The following PBX3 variants were observed in gnomAD, a reference collection of about 807,000 sequenced individuals.
PBX3 encodes the protein PBX homeobox 3, also known as pre-B-cell leukemia transcription factor 3.
PBX3 carries 14 observed loss-of-function variants against 48.5 expected under a neutral mutation model. That is an observed-to-expected ratio of 0.29 (90% confidence interval 0.19 to 0.45). The LOEUF (loss-of-function observed/expected upper bound fraction) is 0.45, where lower values mean the gene tolerates loss of function less well. Among genes scored for constraint, PBX3 ranks in the 20% least tolerant of loss-of-function variants. PBX3 has a pLI of 1.00. For missense variants in PBX3, 386 were observed against 546.7 expected (o/e 0.71, Z 2.93); for synonymous variants, 210 against 200.3 (o/e 1.05, Z -0.41).
At chr9:125,816,968 A>AT (rs1838484436) in intron 2 of PBX3, among the ~76,000 whole-genome samples, 1 of 152,090 alleles carries the variant, frequency 6.6e-6, no homozygotes, top group African/African-American at 2.4e-5. Flanking sequence ...ATATGGTTTC[A>AT]TTTTTTTCTG....
At chr9:125,883,600 CT>C (rs57927097) in intron 2 of PBX3, among the ~76,000 whole-genome samples, 5,998 of 144,664 alleles carry the variant, frequency 0.041, 409 homozygotes, top group African/African-American at 0.14. Flanking sequence ...AATCTCTTGA[CT>C]TTTTTTTTTT....
intron 2 of PBX3, among the ~76,000 whole-genome samples, chr9:125,892,114 G>A (rs1031343520): frequency 2.0e-5 from 3 of 151,774 alleles, no homozygotes; most frequent in Non-Finnish European, 2.9e-5. Flanking sequence ...GTAGAGATGA[G>A]GTTTCACTAT....
chr9:125,818,345 A>G (rs868396010), intron 2 of PBX3, among the ~76,000 whole-genome samples: 26 of 148,714 alleles, frequency 1.7e-4, no homozygotes, highest in African/African-American at 5.9e-4. Flanking sequence ...TTTTTTTTTA[A>G]TTTGAGACGG....
intron 2 of PBX3, among the ~76,000 whole-genome samples, chr9:125,899,595 T>G (rs553568766): frequency 1.3e-5 from 2 of 150,776 alleles, no homozygotes; most frequent in Admixed American, 6.7e-5. Context: ...TCTTACAGCA[T>G]TTTGGTCAGC....
At chr9:125,766,973 C>T (rs73667055) in intron 2 of PBX3, among the ~76,000 whole-genome samples, 3,365 of 152,100 alleles carry the variant, frequency 0.022, 144 homozygotes, top group African/African-American at 0.076. Context: ...GTTTTTTGTT[C>T]TTTTAGACTT....
chr9:125,747,959 A>G (rs1836245460), intron 1 of PBX3, among the ~76,000 whole-genome samples: 1 of 149,546 alleles, frequency 6.7e-6, no homozygotes, highest in Non-Finnish European at 1.5e-5. Flanking sequence ...TCCCGCCCCG[A>G]CCCCGTGCGG....
intron 3 of PBX3, among the ~76,000 whole-genome samples, chr9:125,918,678 T>G (rs1312788247): frequency 1.3e-5 from 2 of 152,192 alleles, no homozygotes; most frequent in African/African-American, 4.8e-5. Context: ...CAGCAGAATT[T>G]TAATTTACAC....
chr9:125,871,018 C>A (rs1466196263), intron 2 of PBX3, among the ~76,000 whole-genome samples: 1 of 152,082 alleles, frequency 6.6e-6, no homozygotes, highest in African/African-American at 2.4e-5. Context: ...AATTCCACTT[C>A]TAGATATAAA....
intron 2 of PBX3, among the ~76,000 whole-genome samples, chr9:125,779,570 T>C (rs1322391917): frequency 2.2e-5 from 2 of 90,898 alleles, no homozygotes; most frequent in Non-Finnish European, 4.2e-5. Context: ...GAGCACAGGG[T>C]TGGGGGTAAG....
At chr9:125,874,015 T>A (rs1840188966) in intron 2 of PBX3, among the ~76,000 whole-genome samples, 1 of 152,096 alleles carries the variant, frequency 6.6e-6, no homozygotes, top group South Asian at 2.1e-4. Flanking sequence ...TACCACTGGA[T>A]CTGAAAGAAG....
At chr9:125,944,994 G>A (rs957341826) in intron 5 of PBX3, among the ~76,000 whole-genome samples, 1 of 152,058 alleles carries the variant, frequency 6.6e-6, no homozygotes, top group Non-Finnish European at 1.5e-5. Context: ...AAGCTGAGGC[G>A]GGCGGATTGC....
intron 4 of PBX3, 59 bp from the exon 5 acceptor site, chr9:125,935,413 A>G: frequency 6.6e-7 from 1 of 1,516,430 alleles, no homozygotes; most frequent in South Asian, 1.2e-5. Context: ...TAATTAACCC[A>G]TCCCTCTTAG....
Position 125,965,977 on chromosome 9 carries a change from A to G in PBX3, c.*54A>G. 1 of 1,329,308 alleles carries G rather than the reference A, an allele frequency of 7.5e-7. No individual in the cohort carries two copies. The highest frequency in any genetic ancestry group is 2.3e-5 in the East Asian group (1 of 43,002). 82.3% of individuals were successfully genotyped at this position (1,329,308 alleles called of 1,614,324 possible). A position where few individuals can be genotyped will look rare whatever the true frequency, so the allele number is the denominator to read the frequency against. ...ATGCCTTGATAAGTGCATTCAGAGC[A>G]ATAGGAGGAAAAGGAAAGCGTTTTT... On this transcript the variant is annotated 3_prime_UTR_variant, in exon 9 of 9. Transcript: ENST00000373489.
intron 2 of PBX3, among the ~76,000 whole-genome samples, chr9:125,883,377 C>T (rs1186467535): frequency 6.6e-6 from 1 of 152,150 alleles, no homozygotes; most frequent in African/African-American, 2.4e-5. Context: ...AAACAGTGAA[C>T]CTAAGTAATA....
At chr9:125,923,551 T>C (rs1456785013) in intron 3 of PBX3, among the ~76,000 whole-genome samples, 5 of 152,154 alleles carry the variant, frequency 3.3e-5, no homozygotes, top group African/African-American at 4.8e-5. Context: ...TAGAAAAATT[T>C]AAAGTATTTA....
intron 2 of PBX3, among the ~76,000 whole-genome samples, chr9:125,885,880 C>T (rs1840488695): frequency 1.3e-5 from 2 of 151,766 alleles, no homozygotes; most frequent in South Asian, 2.1e-4. Context: ...ATATGTTGGC[C>T]TGTGTTAAAT....
At position 125,928,893 on chromosome 9, in the gene PBX3, T is replaced by C. The variant is rs1260901103; in HGVS notation, c.517-762T>C. ...CTAAAGGCCTGCACTACAGCTAAAT[T>C]ATAATAGGTCATTGGAATGCTTGGC... On this transcript the variant is annotated intron_variant, in intron 3 of 8. Transcript: ENST00000373489. Among the ~76,000 whole-genome samples, 3 of 151,880 alleles carry C rather than the reference T, an allele frequency of 2.0e-5. No homozygotes were observed. The East Asian group carries it at 5.9e-4, about 30-fold the overall frequency.
intron 7 of PBX3, 131 bp downstream of exon 7, chr9:125,962,345 A>T (rs1227630045): frequency 1.9e-6 from 1 of 519,138 alleles, no homozygotes; most frequent in Non-Finnish European, 3.4e-6. Flanking sequence ...ACCAGGACCC[A>T]TCTGCCCCAC....
At chr9:125,779,870 C>A (rs1257038203) in intron 2 of PBX3, among the ~76,000 whole-genome samples, 1 of 134,584 alleles carries the variant, frequency 7.4e-6, no homozygotes, top group African/African-American at 2.8e-5. Flanking sequence ...CCGGACGGGG[C>A]GGCTGGCCGG....
Sources: gnomAD v4.1 joint callset for allele counts (sites outside exome capture counted in the v4.1 genomes callset) on GRCh38, gnomAD v4.1.1 for gene constraint, MANE v1.5 for transcripts, NCBI Gene and HGNC (gene_info 2026-07-23, HGNC 2026-07-21) for gene names.